The following NCAM2 variants were observed in gnomAD, a reference collection of about 807,000 sequenced individuals.
NCAM2 encodes the protein neural cell adhesion molecule 2, also known as N-CAM-2.
NCAM2 carries 30 observed loss-of-function variants against 98.1 expected under a neutral mutation model. That is an observed-to-expected ratio of 0.31 (90% confidence interval 0.23 to 0.41). The LOEUF (loss-of-function observed/expected upper bound fraction) is 0.41. Ranked by LOEUF, NCAM2 falls within the 10% of genes least tolerant of loss-of-function variation. NCAM2 has a pLI of 1.00. For missense variants in NCAM2, 867 were observed against 1,005.8 expected (o/e 0.86, Z 1.87); for synonymous variants, 368 against 342.4 (o/e 1.07, Z -0.83).
intron 1 of NCAM2, among the ~76,000 whole-genome samples, chr21:21,109,688 G>A (rs574468515): frequency 6.6e-5 from 10 of 152,132 alleles, no homozygotes; most frequent in Admixed American, 2.0e-4. Flanking sequence ...ATGCTTTCTT[G>A]TAAATATATA....
intron 1 of NCAM2, among the ~76,000 whole-genome samples, chr21:21,047,082 GT>G (rs149407556): frequency 1 from 152,228 of 152,228 alleles, 76,114 homozygotes; most frequent in Non-Finnish European, 1. Context: ...GACATCACTT[GT>G]GTTGTGTACG....
intron 6 of NCAM2, among the ~76,000 whole-genome samples, chr21:21,325,513 A>G (rs1261672866): frequency 6.6e-6 from 1 of 152,186 alleles, no homozygotes; most frequent in Admixed American, 6.5e-5. Flanking sequence ...CTTTTCAGAC[A>G]CTAATTTTCT....
At chr21:21,474,171 A>T (rs1034532428) in intron 14 of NCAM2, among the ~76,000 whole-genome samples, 1 of 151,944 alleles carries the variant, frequency 6.6e-6, no homozygotes, top group African/African-American at 2.4e-5. Flanking sequence ...CACCCACTTT[A>T]ATTTTTTTCC....
At chr21:21,005,899 A>C (rs1404167228) in intron 1 of NCAM2, among the ~76,000 whole-genome samples, 1 of 151,956 alleles carries the variant, frequency 6.6e-6, no homozygotes, top group Non-Finnish European at 1.5e-5. Flanking sequence ...TGTCCAAGGG[A>C]GGAAAAAAAG....
intron 1 of NCAM2, among the ~76,000 whole-genome samples, chr21:21,275,317 G>A (rs1201857036): frequency 6.6e-6 from 1 of 151,834 alleles, no homozygotes; most frequent in Non-Finnish European, 1.5e-5. Context: ...GCGGGTGCCT[G>A]TAGTCCCAGC....
At position 21,396,351 on chromosome 21, in the gene NCAM2, A is replaced by G. The variant is rs78688583; in HGVS notation, c.1196-13923A>G. On this transcript the variant is annotated intron_variant, in intron 9 of 17. Coordinates refer to ENST00000400546, the MANE Select transcript of NCAM2 (RefSeq NM_004540.5). ...AATGGCCATAATCAAAAAAATAAAA[A>G]TACAATAGTGTTAGCACATACATGG... 4.9e-3 allele frequency among the ~76,000 whole-genome samples: 743 copies of G among 152,316 alleles called. 3 individuals carry two copies. Among genetic ancestry groups the G allele is most frequent in the African/African-American group, 0.017 (706 of 41,584 alleles).
chr21:21,142,344 C>T (rs1255867004), intron 1 of NCAM2, among the ~76,000 whole-genome samples: 1 of 146,060 alleles, frequency 6.8e-6, no homozygotes, highest in East Asian at 2.0e-4. Context: ...TGTTTAACTT[C>T]ACTTTTTAAA....
intron 17 of NCAM2, among the ~76,000 whole-genome samples, chr21:21,537,285 G>A (rs1244834036): frequency 2.6e-5 from 4 of 151,908 alleles, no homozygotes; most frequent in Non-Finnish European, 4.4e-5. Flanking sequence ...GACCTCAAGT[G>A]ATCCACCCGC....
At chr21:21,125,494 G>GTAATATATAATATATTACATATA (rs1338581385) in intron 1 of NCAM2, among the ~76,000 whole-genome samples, 2,257 of 74,052 alleles carry the variant, frequency 0.03, 111 homozygotes, top group Admixed American at 0.044. Context: ...AGATATATAT[G>GTAATATATAATATATTACATATA]TAATATGTAA....
intron 1 of NCAM2, among the ~76,000 whole-genome samples, chr21:21,010,652 T>A (rs976534772): frequency 2.6e-5 from 4 of 152,180 alleles, no homozygotes; most frequent in South Asian, 2.1e-4. Flanking sequence ...GAAAGAGGAC[T>A]TTGTGATTAG....
In NCAM2 at chr21:21,112,185, T is replaced by G. The variant is rs1040519343; in HGVS notation, c.55+113567T>G. On this transcript the variant is annotated intron_variant, in intron 1 of 17. Coordinates refer to ENST00000400546, the MANE Select transcript of NCAM2 (RefSeq NM_004540.5). The stretch of plus-strand genomic sequence containing the variant: ...TCTTTTCCTTTTTAAAACGGCATAA[T>G]ATTCTATAGTGATTCATTGTGTTTT... Among the ~76,000 whole-genome samples the G allele has an allele frequency of 2.0e-5, 3 of 152,198 alleles. No individual in the cohort carries two copies. The South Asian group carries it at 6.2e-4, about 31-fold the overall frequency.
chr21:21,351,130 A>AG (rs1447150993), intron 8 of NCAM2, among the ~76,000 whole-genome samples: 2 of 149,668 alleles, frequency 1.3e-5, no homozygotes, highest in Non-Finnish European at 3.0e-5. Context: ...AAAAAAAAAA[A>AG]AAAAAAAAAA....
intron 1 of NCAM2, among the ~76,000 whole-genome samples, chr21:21,232,911 A>C (rs117162302): frequency 6.6e-6 from 1 of 151,754 alleles, no homozygotes; most frequent in Non-Finnish European, 1.5e-5. Context: ...TGAAGACCTG[A>C]AAACTTCCAT....
chr21:21,326,477 T>G (rs1386099062), intron 6 of NCAM2, among the ~76,000 whole-genome samples: 1 of 152,192 alleles, frequency 6.6e-6, no homozygotes, highest in Non-Finnish European at 1.5e-5. Context: ...CAATTACTTC[T>G]CACCAGAATA....
At chr21:21,464,286 C>G (rs1042121704) in intron 12 of NCAM2, among the ~76,000 whole-genome samples, 19 of 151,942 alleles carry the variant, frequency 1.3e-4, no homozygotes, top group African/African-American at 4.6e-4. Context: ...AGTCTTATTC[C>G]AAAACATGTT....
At chr21:21,472,558 T>TA (rs1984580223) in intron 14 of NCAM2, among the ~76,000 whole-genome samples, 1 of 152,038 alleles carries the variant, frequency 6.6e-6, no homozygotes, top group Admixed American at 6.6e-5. Context: ...GGATGAGTTT[T>TA]ATTCTTCTTT....
intron 1 of NCAM2, among the ~76,000 whole-genome samples, chr21:21,200,453 AAC>A (rs2069171787): frequency 6.6e-6 from 1 of 151,036 alleles, no homozygotes; most frequent in Non-Finnish European, 1.5e-5. Context: ...GTATTTCATT[AAC>A]AGTTTTACTA....
intron 1 of NCAM2, among the ~76,000 whole-genome samples, chr21:21,227,174 A>C (rs1437330982): frequency 6.6e-6 from 1 of 151,818 alleles, no homozygotes; most frequent in African/African-American, 2.4e-5. Flanking sequence ...ATAATAAGTA[A>C]AGAATTTAAA....
chr21:21,117,647 C>A (rs1027689606), intron 1 of NCAM2, among the ~76,000 whole-genome samples: 1 of 152,108 alleles, frequency 6.6e-6, no homozygotes, highest in African/African-American at 2.4e-5. Context: ...CAATATTATT[C>A]TTTGACATTA....
Sources: gnomAD v4.1 joint callset for allele counts (sites outside exome capture counted in the v4.1 genomes callset) on GRCh38, gnomAD v4.1.1 for gene constraint, MANE v1.5 for transcripts, NCBI Gene and HGNC (gene_info 2026-07-23, HGNC 2026-07-21) for gene names.